Variants in MALRD1 observed in about 807,000 individuals in gnomAD.
MALRD1 encodes MAM and LDL-receptor class A domain-containing protein 1.
MALRD1 carries 247 observed loss-of-function variants against 242.1 expected under a neutral mutation model. The observed-to-expected ratio is 1.02, with a 90% CI of 0.92 to 1.13. The LOEUF (loss-of-function observed/expected upper bound fraction) is 1.13, where lower values mean the gene tolerates loss of function less well. Among genes scored for constraint, MALRD1 ranks in the 50% most tolerant of loss-of-function variants. The probability of loss-of-function intolerance (pLI) is 0.00; values close to 1 mark genes in which losing one functional copy is unlikely to be tolerated. For synonymous variants in MALRD1, 995 were observed against 866.6 expected (o/e 1.15, Z -2.60); for missense variants, 2,989 against 2,533.1 (o/e 1.18, Z -3.86).
intron 14 of MALRD1, among the ~76,000 whole-genome samples, chr10:19,185,758 A>T (rs978712719): frequency 6.6e-6 from 1 of 152,024 alleles, no homozygotes; most frequent in Non-Finnish European, 1.5e-5. Context: ...ACATAAATGC[A>T]TTAAGAGAAG....
At chr10:19,488,193 G>T (rs879727012) in intron 29 of MALRD1, among the ~76,000 whole-genome samples, 1 of 152,138 alleles carries the variant, frequency 6.6e-6, no homozygotes, top group African/African-American at 2.4e-5. Context: ...TATAAGAATT[G>T]CTCTAAAAAT....
At chr10:19,590,061 G>A (rs1173430462) in intron 33 of MALRD1, among the ~76,000 whole-genome samples, 1 of 151,982 alleles carries the variant, frequency 6.6e-6, no homozygotes, top group African/African-American at 2.4e-5. Flanking sequence ...AGCTCACTGG[G>A]CATAGTAAGA....
intron 33 of MALRD1, 129 bp downstream of exon 33, chr10:19,567,832 C>A: frequency 2.4e-6 from 2 of 816,836 alleles, no homozygotes; most frequent in East Asian, 2.7e-5. Flanking sequence ...GGAAAAGAGT[C>A]ACATATACTA....
At position 19,655,530 on chromosome 10, in the gene MALRD1, GTATATATATATATATATA is replaced by G. The variant is rs56752723; in HGVS notation, c.6138-36728_6138-36711del. On this transcript the variant is annotated intron_variant, in intron 36 of 39. Transcript: ENST00000454679. The stretch of plus-strand genomic sequence containing the variant: ...TGTGTGTACATATATATGTGTGAGT[GTATATATATATATATATA>G]TATATATATATATATATATATATGG... Among the ~76,000 whole-genome samples the G allele has an allele frequency of 1.5e-3, 165 of 108,828 alleles. 1 individual carries two copies. Among genetic ancestry groups the G allele is most frequent in the South Asian group, 7.8e-3 (25 of 3,186 alleles). The allele number at this position is 108,828 out of a possible 152,430, so 71.4% of individuals were successfully genotyped here.
At chr10:19,731,807 A>G (rs1835307932) in intron 39 of MALRD1, among the ~76,000 whole-genome samples, 1 of 152,212 alleles carries the variant, frequency 6.6e-6, no homozygotes, top group South Asian at 2.1e-4. Flanking sequence ...TCCTTATAAA[A>G]TGAGTATTAT....
At chr10:19,302,539 C>A (rs963663781) in intron 21 of MALRD1, among the ~76,000 whole-genome samples, 1 of 151,676 alleles carries the variant, frequency 6.6e-6, no homozygotes, top group Non-Finnish European at 1.5e-5. Context: ...AATGCAAGGC[C>A]ACATGTATTT....
At chr10:19,625,426 T>C (rs1171496533) in intron 36 of MALRD1, among the ~76,000 whole-genome samples, 1 of 152,102 alleles carries the variant, frequency 6.6e-6, no homozygotes, top group African/African-American at 2.4e-5. Context: ...TCCAGATTTA[T>C]CCTTTACTTC....
At chr10:19,645,843 C>T (rs572246486) in intron 36 of MALRD1, among the ~76,000 whole-genome samples, 14 of 151,790 alleles carry the variant, frequency 9.2e-5, no homozygotes, top group African/African-American at 1.5e-4. Context: ...CAAACCTGCA[C>T]GTTGTGCACA....
At chr10:19,730,601 G>A in intron 38 of MALRD1, 105 bp from the exon 39 acceptor site, 2 of 1,115,726 alleles carry the variant, frequency 1.8e-6, no homozygotes, top group Non-Finnish European at 2.6e-6. Context: ...AAGTGTGCTG[G>A]CTAGACAACA....
intron 27 of MALRD1, 127 bp from the exon 28 acceptor site, chr10:19,389,325 A>G: frequency 9.6e-7 from 1 of 1,043,862 alleles, no homozygotes; most frequent in Non-Finnish European, 1.4e-6. Context: ...TTTCTGTTCC[A>G]AATGAAAATA....
At chr10:19,348,704 T>G (rs1224867867) in intron 25 of MALRD1, among the ~76,000 whole-genome samples, 1 of 152,170 alleles carries the variant, frequency 6.6e-6, no homozygotes, top group Non-Finnish European at 1.5e-5. Context: ...GTTTATTGTT[T>G]GCTTGTTTGT....
At position 19,257,735 on chromosome 10, in the gene MALRD1, G is replaced by C; in HGVS notation, c.3043G>C (p.Asp1015His). Residue 1015 changes from aspartate (D) to histidine (H), a missense_variant, in exon 19 of 40, where the codon GAT (aspartate) becomes CAT (histidine). Asp to His is a moderately conservative substitution (Grantham distance 81, BLOSUM62 -1). Coordinates refer to ENST00000454679, the MANE Select transcript of MALRD1 (RefSeq NM_001142308.3). ...GDGFTGDIAI[D>H]DLSFMDCTLY... Reference sequence around the variant, plus strand: ...TGGCTTCACTGGAGATATTGCGATTGATGATCTGTCATTTATGGACTGCAC... The same window carrying C: ...TGGCTTCACTGGAGATATTGCGATTCATGATCTGTCATTTATGGACTGCAC... 6.5e-7 allele frequency: 1 copy of C among 1,542,284 alleles called. No individual in the cohort carries two copies. The highest frequency in any genetic ancestry group is 8.8e-7 in the Non-Finnish European group (1 of 1,142,152).
intron 18 of MALRD1, among the ~76,000 whole-genome samples, chr10:19,231,682 G>A (rs527804248): frequency 2.0e-5 from 3 of 152,198 alleles, no homozygotes; most frequent in Non-Finnish European, 4.4e-5. Flanking sequence ...TGCCGTGACT[G>A]TGAGGCCTCC....
At chr10:19,518,743 T>C (rs1371380494) in intron 31 of MALRD1, among the ~76,000 whole-genome samples, 1 of 152,192 alleles carries the variant, frequency 6.6e-6, no homozygotes, top group African/African-American at 2.4e-5. Flanking sequence ...TGTTTAGTTG[T>C]TTCACTAACA....
chr10:19,582,524 G>C (rs1259746939), intron 33 of MALRD1, among the ~76,000 whole-genome samples: 75 of 134,856 alleles, frequency 5.6e-4, no homozygotes, highest in African/African-American at 1.6e-3. Context: ...TCAAAGATCA[G>C]ATAGTTGTAG....
chr10:19,518,854 A>G (rs757401637), intron 31 of MALRD1, among the ~76,000 whole-genome samples: 11 of 152,222 alleles, frequency 7.2e-5, no homozygotes, highest in African/African-American at 9.6e-5. Flanking sequence ...TCACAACCAC[A>G]GTGAAAATTA....
intron 33 of MALRD1, among the ~76,000 whole-genome samples, chr10:19,569,887 A>T (rs1453800208): frequency 6.6e-6 from 1 of 150,764 alleles, no homozygotes; most frequent in African/African-American, 2.4e-5. Context: ...TGAGCTCCTC[A>T]AGAGCCAGAG....
At chr10:19,442,817 G>A (rs1198897054) in intron 28 of MALRD1, among the ~76,000 whole-genome samples, 2 of 152,110 alleles carry the variant, frequency 1.3e-5, no homozygotes, top group Non-Finnish European at 2.9e-5. Flanking sequence ...TTGGTATCAG[G>A]ATGATGCTGG....
chr10:19,478,214 C>T (rs1047207073), intron 29 of MALRD1, among the ~76,000 whole-genome samples: 24 of 152,158 alleles, frequency 1.6e-4, no homozygotes, highest in Admixed American at 5.2e-4. Flanking sequence ...AACAGATAAG[C>T]GAATGCTTCA....
Sources: gnomAD v4.1 joint callset for allele counts (sites outside exome capture counted in the v4.1 genomes callset) on GRCh38, gnomAD v4.1.1 for gene constraint, MANE v1.5 for transcripts, NCBI Gene and HGNC (gene_info 2026-07-23, HGNC 2026-07-21) for gene names.